Variants in VWA8 observed in about 807,000 individuals in gnomAD.
VWA8 encodes von Willebrand factor A domain-containing protein 8.
A neutral mutation model predicts 241.5 loss-of-function variants in VWA8; 221 were observed. The ratio of observed to expected loss-of-function variants is 0.91; its 90% confidence interval spans 0.82 to 1.02. The LOEUF is 1.02. VWA8 is among the 50% of genes least tolerant of loss of function. The pLI, the probability that VWA8 is intolerant of heterozygous loss-of-function variation, is 0.00. For synonymous variants in VWA8, 852 were observed against 827.1 expected (o/e 1.03, Z -0.52); for missense variants, 2,322 against 2,328.7 (o/e 1.00, Z 0.06).
chr13:41,708,928 C>T (rs1320121252), intron 26 of VWA8, among the ~76,000 whole-genome samples: 1 of 152,148 alleles, frequency 6.6e-6, no homozygotes, highest in Non-Finnish European at 1.5e-5. Flanking sequence ...GGTTTCCTTT[C>T]CTTCATCTTT....
intron 37 of VWA8, among the ~76,000 whole-genome samples, chr13:41,620,121 C>G (rs985125369): frequency 2.0e-4 from 31 of 151,896 alleles, no homozygotes; most frequent in Non-Finnish European, 2.9e-4. Context: ...GGTTGGTAGG[C>G]TATTAATTAT....
rs560265675 is a variant in VWA8 at position 41,781,161 on chromosome 13, C to T, written c.2277+2634G>A. ...GTGCTTAAAATCTTTCAATAACTTC[C>T]TCATTCTTCTGAACAGAATCCAAAT... On this transcript the variant is annotated intron_variant, in intron 19 of 44. Coordinates refer to ENST00000379310, the MANE Select transcript of VWA8 (RefSeq NM_015058.2). 2.6e-5 allele frequency among the ~76,000 whole-genome samples: 4 copies of T among 152,312 alleles called. No homozygotes were observed. In the South Asian group the frequency reaches 8.3e-4, roughly 32 times the overall value.
chr13:41,722,495 G>C (rs546519953), intron 24 of VWA8, among the ~76,000 whole-genome samples: 66 of 152,140 alleles, frequency 4.3e-4, no homozygotes, highest in African/African-American at 1.5e-3. Context: ...GTATTTAAAA[G>C]CAATTGAATA....
chr13:41,904,244 A>C (rs899880654), intron 4 of VWA8, among the ~76,000 whole-genome samples: 1 of 152,196 alleles, frequency 6.6e-6, no homozygotes, highest in African/African-American at 2.4e-5. Context: ...CTAAAAAGCT[A>C]AAGTGTTAAG....
At chr13:41,574,404 T>G (rs1488233308) in intron 43 of VWA8, among the ~76,000 whole-genome samples, 3 of 150,224 alleles carry the variant, frequency 2.0e-5, no homozygotes, top group Non-Finnish European at 3.0e-5. Flanking sequence ...TACAAAACAC[T>G]GATGAAAGAA....
rs971676916 is a variant in VWA8, at chr13:41,567,632, A to T, written c.*565T>A. 6.6e-6 allele frequency: 1 copy of T among 152,374 alleles called. No individual in the cohort carries two copies. Among genetic ancestry groups the T allele is most frequent in the African/African-American group, 2.4e-5 (1 of 41,592 alleles). The allele number at this position is 152,374 out of a possible 1,614,324, so 9.4% of individuals were successfully genotyped here. A position where few individuals can be genotyped will look rare whatever the true frequency, so the allele number is the denominator to read the frequency against. ...GAAAATGAAATTATTGAGAACAGCC[A>T]GACTTTCATAAGATATTGCTGTTGG... On this transcript the variant is annotated 3_prime_UTR_variant, in exon 45 of 45. Transcript: ENST00000379310.
At chr13:41,898,389 G>C in intron 4 of VWA8, among the ~76,000 whole-genome samples, 1 of 152,204 alleles carries the variant, frequency 6.6e-6, no homozygotes, top group Non-Finnish European at 1.5e-5. Context: ...GCTAGATACA[G>C]AGTGTCGATT....
Position 41,567,735 on chromosome 13 carries a change from T to C in VWA8, c.*462A>G, listed in dbSNP as rs2139626643. Reference sequence around the variant, plus strand: ...CAGAGCAGGGAGAAAATAAAAATAATTGTTGGATAGGAGCATTTTGGTGGG... The same window carrying C: ...CAGAGCAGGGAGAAAATAAAAATAACTGTTGGATAGGAGCATTTTGGTGGG... On this transcript the variant is annotated 3_prime_UTR_variant, in exon 45 of 45. Coordinates refer to ENST00000379310, the MANE Select transcript of VWA8 (RefSeq NM_015058.2). 1 of 153,510 alleles carries C rather than the reference T, an allele frequency of 6.5e-6. No homozygotes were observed. The highest frequency in any genetic ancestry group is 2.1e-4 in the South Asian group (1 of 4,856). 9.5% of individuals were successfully genotyped at this position (153,510 alleles called of 1,614,324 possible).
intron 37 of VWA8, among the ~76,000 whole-genome samples, chr13:41,656,852 T>A (rs2044909715): frequency 6.6e-6 from 1 of 151,930 alleles, no homozygotes; most frequent in South Asian, 2.1e-4. Context: ...CACTAAAAAA[T>A]AAAAATAAAA....
At chr13:41,768,161 C>T (rs1465826836) in intron 20 of VWA8, among the ~76,000 whole-genome samples, 1 of 152,188 alleles carries the variant, frequency 6.6e-6, no homozygotes, top group Non-Finnish European at 1.5e-5. Context: ...CTATTAGACA[C>T]TAAGTTATCA....
At chr13:41,815,650 A>T (rs1244368709) in intron 16 of VWA8, among the ~76,000 whole-genome samples, 1 of 152,248 alleles carries the variant, frequency 6.6e-6, no homozygotes, top group African/African-American at 2.4e-5. Flanking sequence ...TGACACTTTG[A>T]TTCTGGCTCA....
At chr13:41,936,355 T>C (rs1449289634) in intron 2 of VWA8, among the ~76,000 whole-genome samples, 2 of 152,216 alleles carry the variant, frequency 1.3e-5, no homozygotes, top group African/African-American at 4.8e-5. Context: ...CCTGTTTAAA[T>C]CCTTCATTTA....
intron 17 of VWA8, among the ~76,000 whole-genome samples, chr13:41,795,807 G>T (rs939543123): frequency 6.6e-6 from 1 of 152,074 alleles, no homozygotes; most frequent in Non-Finnish European, 1.5e-5. Flanking sequence ...TGGGCGGGTA[G>T]GGGGAGAGCA....
chr13:41,785,659 A>C (rs1446389758), intron 18 of VWA8, among the ~76,000 whole-genome samples: 1 of 152,164 alleles, frequency 6.6e-6, no homozygotes, highest in Non-Finnish European at 1.5e-5. Context: ...GTAGATCTTA[A>C]CAGTAACTTC....
chr13:41,753,147 G>A (rs1166905984), intron 21 of VWA8, among the ~76,000 whole-genome samples: 1 of 152,136 alleles, frequency 6.6e-6, no homozygotes, highest in African/African-American at 2.4e-5. Flanking sequence ...AATATCTGCA[G>A]AAAATCTCAC....
At chr13:41,733,940 C>T (rs17637722) in intron 21 of VWA8, among the ~76,000 whole-genome samples, 9,323 of 152,232 alleles carry the variant, frequency 0.061, 358 homozygotes, top group East Asian at 0.11. Flanking sequence ...AACACATGGA[C>T]TTTCAAATTT....
In VWA8 at chr13:41,573,564, A is replaced by G. The variant is rs545768973; in HGVS notation, c.5370+2176T>C. ...ACGTATATATAAAATATATACACGT[A>G]TATATATGTATATATATAAAATATA... is the stretch of plus-strand genomic sequence containing the variant. On this transcript the variant is annotated intron_variant, in intron 43 of 44. Coordinates refer to ENST00000379310, the MANE Select transcript of VWA8 (RefSeq NM_015058.2). Among the ~76,000 whole-genome samples the G allele has an allele frequency of 4.5e-4, 65 of 143,302 alleles. 2 individuals are homozygous for G. Among genetic ancestry groups the G allele is most frequent in the Admixed American group, 3.9e-3 (57 of 14,448 alleles). The allele number at this position is 143,302 out of a possible 152,430, so 94.0% of individuals were successfully genotyped here.
At chr13:41,830,682 GT>G (rs760364907) in intron 13 of VWA8, 40 bp from the exon 14 acceptor site, 6 of 1,559,732 alleles carry the variant, frequency 3.8e-6, no homozygotes, top group Admixed American at 1.7e-5. Context: ...AAATTAATGT[GT>G]TTTGAACACT....
intron 2 of VWA8, among the ~76,000 whole-genome samples, chr13:41,931,377 G>C (rs1877112932): frequency 7.2e-6 from 1 of 138,008 alleles, no homozygotes; most frequent in Non-Finnish European, 1.6e-5. Context: ...AAAACACAGA[G>C]ATACAGAAAA....
Sources: gnomAD v4.1 joint callset for allele counts (sites outside exome capture counted in the v4.1 genomes callset) on GRCh38, gnomAD v4.1.1 for gene constraint, MANE v1.5 for transcripts, NCBI Gene and HGNC (gene_info 2026-07-23, HGNC 2026-07-21) for gene names.